Variants in CDYL observed in about 807,000 individuals in gnomAD.
CDYL encodes chromodomain Y like.
Under a neutral mutation model 47.3 loss-of-function variants are expected in CDYL, and 8 were observed. The observed-to-expected ratio is 0.17, with a 90% CI of 0.10 to 0.31. The LOEUF is 0.31. CDYL is among the 10% of genes least tolerant of loss of function. CDYL has a pLI of 1.00. For synonymous variants in CDYL, 266 were observed against 265.0 expected (o/e 1.00, Z -0.04); for missense variants, 471 against 701.4 (o/e 0.67, Z 3.71).
Position 4,902,300 on chromosome 6 carries a change from G to A in CDYL, c.691+9921G>A, listed in dbSNP as rs145300855. Among the ~76,000 whole-genome samples, 687 of 152,024 alleles carry A rather than the reference G, an allele frequency of 4.5e-3. 3 individuals carry two copies. Among genetic ancestry groups the A allele is most frequent in the Non-Finnish European group, 6.9e-3 (470 of 67,970 alleles). ...GCATGCCTGTAAACCCAGCTACTCG[G>A]GAGGCCAAGGCAGGAGAATCGCTTG... On this transcript the variant is annotated intron_variant, in intron 2 of 6. Coordinates refer to ENST00000397588, the MANE Select transcript of CDYL (RefSeq NM_004824.4).
intron 1 of CDYL, among the ~76,000 whole-genome samples, chr6:4,824,563 G>T (rs1759926616): frequency 6.6e-6 from 1 of 152,068 alleles, no homozygotes; most frequent in African/African-American, 2.4e-5. Flanking sequence ...TTTTCATTGG[G>T]TTATTTGTCA....
At chr6:4,901,975 C>G (rs1213940183) in intron 2 of CDYL, among the ~76,000 whole-genome samples, 1 of 152,142 alleles carries the variant, frequency 6.6e-6, no homozygotes, top group Non-Finnish European at 1.5e-5. Flanking sequence ...TCTCAGCTGA[C>G]CAGACAGAAA....
chr6:4,793,574 G>A (rs911254097), intron 1 of CDYL, among the ~76,000 whole-genome samples: 24 of 152,192 alleles, frequency 1.6e-4, no homozygotes, highest in African/African-American at 5.1e-4. Flanking sequence ...AAGGAATGAT[G>A]TAATAAAATT....
intron 3 of CDYL, among the ~76,000 whole-genome samples, chr6:4,765,683 C>T (rs1470980632): frequency 6.6e-6 from 1 of 151,910 alleles, no homozygotes; most frequent in African/African-American, 2.4e-5. Context: ...CTTGCCTCGG[C>T]CTCCCATGTA....
At chr6:4,812,140 A>G (rs946760478) in intron 1 of CDYL, among the ~76,000 whole-genome samples, 5 of 152,244 alleles carry the variant, frequency 3.3e-5, no homozygotes, top group African/African-American at 1.2e-4. Context: ...TATAGTGAAC[A>G]TAGAAAGTAC....
intron 3 of CDYL, among the ~76,000 whole-genome samples, chr6:4,763,738 C>G (rs976582225): frequency 1.3e-5 from 2 of 152,142 alleles, no homozygotes; most frequent in African/African-American, 4.8e-5. Context: ...AGATCAGGAA[C>G]TCAAGACCAG....
At chr6:4,899,762 C>T (rs1397548796) in intron 2 of CDYL, among the ~76,000 whole-genome samples, 1 of 152,194 alleles carries the variant, frequency 6.6e-6, no homozygotes, top group Non-Finnish European at 1.5e-5. Context: ...TTTAGAATTG[C>T]ATATTCTGAT....
intron 1 of CDYL, among the ~76,000 whole-genome samples, chr6:4,841,878 G>A (rs1249312382): frequency 6.6e-6 from 1 of 150,676 alleles, no homozygotes; most frequent in Non-Finnish European, 1.5e-5. Context: ...GCAGTTGTTG[G>A]ATAAAATGTT....
intron 3 of CDYL, among the ~76,000 whole-genome samples, chr6:4,764,702 A>G (rs983170075): frequency 6.6e-6 from 1 of 152,242 alleles, no homozygotes; most frequent in African/African-American, 2.4e-5. Flanking sequence ...ACTTGTATGT[A>G]CCTAGAAACA....
At chr6:4,745,725 A>G (rs754080052) in intron 3 of CDYL, among the ~76,000 whole-genome samples, 59 of 152,372 alleles carry the variant, frequency 3.9e-4, no homozygotes, top group Admixed American at 2.0e-3. Flanking sequence ...AGTTAAGCTC[A>G]GGTGTTGTGT....
intron 1 of CDYL, among the ~76,000 whole-genome samples, chr6:4,869,182 G>C (rs1256264174): frequency 1.3e-5 from 2 of 151,482 alleles, no homozygotes; most frequent in Non-Finnish European, 2.9e-5. Context: ...TGCAGCCTCT[G>C]CCTCCTGGGT....
At chr6:4,850,176 G>A (rs990382365) in intron 1 of CDYL, among the ~76,000 whole-genome samples, 3 of 152,138 alleles carry the variant, frequency 2.0e-5, no homozygotes, top group Non-Finnish European at 2.9e-5. Flanking sequence ...AATGCTTCAC[G>A]CTAATTGCCA....
At chr6:4,907,296 T>C (rs951072706) in intron 2 of CDYL, among the ~76,000 whole-genome samples, 1 of 152,210 alleles carries the variant, frequency 6.6e-6, no homozygotes. Flanking sequence ...TATGGAAGGA[T>C]TGGAAGAAAA....
chr6:4,729,939 A>G (rs1757576361), intron 2 of CDYL, among the ~76,000 whole-genome samples: 1 of 152,186 alleles, frequency 6.6e-6, no homozygotes, highest in African/African-American at 2.4e-5. Context: ...TAGAGACAAT[A>G]GTACAGGTAC....
intron 1 of CDYL, among the ~76,000 whole-genome samples, chr6:4,823,445 A>G (rs1255678977): frequency 3.3e-5 from 5 of 152,244 alleles, no homozygotes; most frequent in Non-Finnish European, 5.9e-5. Flanking sequence ...TGCCTTCCAT[A>G]CTATCTGTAG....
chr6:4,794,380 C>G (rs532873187), intron 1 of CDYL, among the ~76,000 whole-genome samples: 1 of 152,148 alleles, frequency 6.6e-6, no homozygotes, highest in East Asian at 1.9e-4. Context: ...GGCAGCAGCT[C>G]TTTCAGTGGA....
chr6:4,947,013 CCCA>C (rs1350680734), intron 5 of CDYL, among the ~76,000 whole-genome samples: 2 of 152,174 alleles, frequency 1.3e-5, no homozygotes, highest in Non-Finnish European at 2.9e-5. Flanking sequence ...CAGGAGAGCC[CCCA>C]CGTCAGTGAA....
chr6:4,777,719 A>C (rs186340260), intron 1 of CDYL, among the ~76,000 whole-genome samples: 1 of 152,314 alleles, frequency 6.6e-6, no homozygotes, highest in East Asian at 1.9e-4. Flanking sequence ...GAGGGACTTA[A>C]GGAAGCATCT....
In CDYL at chr6:4,801,892, G is replaced by A. The variant is rs1185474989; in HGVS notation, c.24+25085G>A. Among the ~76,000 whole-genome samples, 9 of 152,116 alleles carry A rather than the reference G, an allele frequency of 5.9e-5. No homozygotes were observed. The South Asian group carries it at 1.2e-3, about 21-fold the overall frequency. On this transcript the variant is annotated intron_variant, in intron 1 of 6. Transcript: ENST00000397588. ...TCTGGTTTCTGACTGCTTTTTCACC[G>A]TGCTGCTTGTGGTTTCCTCAGCACA...
Sources: gnomAD v4.1 joint callset for allele counts (sites outside exome capture counted in the v4.1 genomes callset) on GRCh38, gnomAD v4.1.1 for gene constraint, MANE v1.5 for transcripts, NCBI Gene and HGNC (gene_info 2026-07-23, HGNC 2026-07-21) for gene names.